The following ITPR3 variants were observed in gnomAD, a reference collection of about 807,000 sequenced individuals.
ITPR3 encodes inositol 1,4,5-trisphosphate-gated calcium channel ITPR3.
In ITPR3, 173 loss-of-function variants were observed where a neutral mutation model predicts 293.2. The ratio of observed to expected loss-of-function variants is 0.59; its 90% confidence interval spans 0.52 to 0.67. The LOEUF is 0.67. Among genes scored for constraint, ITPR3 ranks in the 30% least tolerant of loss-of-function variants. The probability of loss-of-function intolerance (pLI) is 0.00; values close to 1 mark genes in which losing one functional copy is unlikely to be tolerated. For missense variants in ITPR3, 2,796 were observed against 3,592.1 expected (o/e 0.78, Z 5.66); for synonymous variants, 1,295 against 1,444.4 (o/e 0.90, Z 2.35).
At position 33,675,542 on chromosome 6, in the gene ITPR3, A is replaced by C; in HGVS notation, c.3117-149A>C. 1.3e-6 allele frequency: 1 copy of C among 777,862 alleles called. No homozygotes were observed. The highest frequency in any genetic ancestry group is 1.9e-6 in the Non-Finnish European group (1 of 524,498). The allele number at this position is 777,862 out of a possible 1,614,324, so 48.2% of individuals were successfully genotyped here. A position where few individuals can be genotyped will look rare whatever the true frequency, so the allele number is the denominator to read the frequency against. On this transcript the variant is annotated intron_variant, in intron 24 of 57. Transcript: ENST00000605930. This position sits in a 1 kb window ranked among gnomAD's most constrained non-coding sequence, Gnocchi z 5.0. The stretch of plus-strand genomic sequence containing the variant: ...GGGAGTGGCTGTTAAACTGCTGAGA[A>C]AGTGTCAATATTTTAAACACATTTA...
rs761895786 is a variant in ITPR3, at chr6:33,662,650, C to T, written c.834C>T (p.Ser278=). The T allele has an allele frequency of 8.7e-6, 14 of 1,608,958 alleles. No individual in the cohort carries two copies. The African/African-American group carries it at 1.9e-4, about 21-fold the overall frequency. ...GCCAGTCTGCCACCTCGGCCACCAG[C>T]TCCAATGCTCTCTGGGAGGTGGAGG... is the stretch of plus-strand genomic sequence containing the variant. ...TLRQSATSAT[S]SNALWEVEVV... Residue 278 remains serine, a synonymous_variant, in exon 8 of 58, where the codon AGC becomes AGT. Coordinates refer to ENST00000605930, the MANE Select transcript of ITPR3 (RefSeq NM_002224.4).
In ITPR3 at chr6:33,655,002, T is replaced by A. The variant is rs373819777; in HGVS notation, c.161-764T>A. Reference sequence around the variant, plus strand: ...TTCCTGCAGCTTAGGCTTATGGGAATGACACTTGTTTTATCTACTTGCCAA... The same window carrying A: ...TTCCTGCAGCTTAGGCTTATGGGAAAGACACTTGTTTTATCTACTTGCCAA... On this transcript the variant is annotated intron_variant, in intron 2 of 57. Coordinates refer to ENST00000605930, the MANE Select transcript of ITPR3 (RefSeq NM_002224.4). The surrounding 1 kb of genome is among the most constrained non-coding windows in gnomAD (Gnocchi z 4.9). 1.3e-5 allele frequency among the ~76,000 whole-genome samples: 2 copies of A among 152,378 alleles called. No homozygotes were observed. Among genetic ancestry groups the A allele is most frequent in the East Asian group, 1.9e-4 (1 of 5,190 alleles).
chr6:33,694,873 C>G, intron 56 of ITPR3, 51 bp from the exon 57 acceptor site: 3 of 1,610,726 alleles, frequency 1.9e-6, no homozygotes, highest in South Asian at 1.1e-5. Context: ...CTAAATGAGG[C>G]CTTTCTAGGC....
chr6:33,693,836 T>C, intron 56 of ITPR3, 131 bp downstream of exon 56: 5 of 1,102,622 alleles, frequency 4.5e-6, no homozygotes, highest in Non-Finnish European at 5.2e-6. Context: ...CCTATCTGAC[T>C]GTTGGCCCTA....
chr6:33,669,666 A>G (rs904626759), intron 18 of ITPR3, among the ~76,000 whole-genome samples: 1 of 152,248 alleles, frequency 6.6e-6, no homozygotes, highest in Non-Finnish European at 1.5e-5. Context: ...CGTAGTGGGC[A>G]CTTTTTTAAG....
In ITPR3 at chr6:33,658,526, C is replaced by A; in HGVS notation, c.370-144C>A. The A allele has an allele frequency of 1.0e-6, 1 of 969,572 alleles. No homozygotes were observed. Among genetic ancestry groups the A allele is most frequent in the Non-Finnish European group, 1.6e-6 (1 of 637,782 alleles). The allele number at this position is 969,572 out of a possible 1,614,324, so 60.1% of individuals were successfully genotyped here. On this transcript the variant is annotated intron_variant, in intron 4 of 57. Coordinates refer to ENST00000605930, the MANE Select transcript of ITPR3 (RefSeq NM_002224.4). This position sits in a 1 kb window ranked among gnomAD's most constrained non-coding sequence, Gnocchi z 6.1. ...TGATTGTGGTTGTGAATGTGGGTGT[C>A]AGCCTGTATGTTTGTGACAGGTGTC...
chr6:33,674,837 C>T (rs1377177710), intron 24 of ITPR3, among the ~76,000 whole-genome samples: 2 of 152,192 alleles, frequency 1.3e-5, no homozygotes, highest in Non-Finnish European at 2.9e-5. Flanking sequence ...TTTACTAATA[C>T]GTAAAGTAGC....
Position 33,658,986 on chromosome 6 carries a change from C to T in ITPR3, c.529-35C>T. On this transcript the variant is annotated intron_variant, in intron 5 of 57. Coordinates refer to ENST00000605930, the MANE Select transcript of ITPR3 (RefSeq NM_002224.4). This position sits in a 1 kb window ranked among gnomAD's most constrained non-coding sequence, Gnocchi z 6.1. The stretch of plus-strand genomic sequence containing the variant: ...AGGCGTGGTGACAAGAGGGCCCTGC[C>T]CTTCCCACCTAACCTGTCCCACCTG... 6 of 1,608,594 alleles carry T rather than the reference C, an allele frequency of 3.7e-6. No homozygotes were observed. The African/African-American group carries it at 4.0e-5, about 11-fold the overall frequency.
rs1334894300 is a variant in ITPR3 at position 33,670,819 on chromosome 6, G to T, written c.2586+4G>T. ...GAAGAACAAGCTCACTTTTGAGGTG[G>T]CTGGGGGAGTGCCCAGGGGCTGGGG... On this transcript the variant is annotated splice_donor_region_variant and intron_variant, in intron 20 of 57. Transcript: ENST00000605930. The surrounding 1 kb of genome is among the most constrained non-coding windows in gnomAD (Gnocchi z 6.7). 8 of 1,612,938 alleles carry T rather than the reference G, an allele frequency of 5.0e-6. No homozygotes were observed. The highest frequency in any genetic ancestry group is 6.8e-6 in the Non-Finnish European group (8 of 1,179,974).
In ITPR3 at chr6:33,658,932, G is replaced by A. The variant is rs1209407468; in HGVS notation, c.529-89G>A. On this transcript the variant is annotated intron_variant, in intron 5 of 57. Coordinates refer to ENST00000605930, the MANE Select transcript of ITPR3 (RefSeq NM_002224.4). The surrounding 1 kb of genome is among the most constrained non-coding windows in gnomAD (Gnocchi z 6.1). ...ATAAGGGCATGCCCATTTCTTAGAAGGGCAGACTGAGACCAAAGGGAGGCC... is the reference window on the plus strand; with the variant it reads ...ATAAGGGCATGCCCATTTCTTAGAAAGGCAGACTGAGACCAAAGGGAGGCC... 1.3e-6 allele frequency: 2 copies of A among 1,599,278 alleles called. No homozygotes were observed. The highest frequency in any genetic ancestry group is 1.1e-5 in the South Asian group (1 of 90,164).
At position 33,621,566 on chromosome 6, in the gene ITPR3, G is replaced by A. The variant is rs1763436999; in HGVS notation, c.-37G>A. On this transcript the variant is annotated 5_prime_UTR_variant, in exon 1 of 58. Coordinates refer to ENST00000605930, the MANE Select transcript of ITPR3 (RefSeq NM_002224.4). The surrounding 1 kb of genome is among the most constrained non-coding windows in gnomAD (Gnocchi z 7.7). ...ACTGAGCTTGGCCACGCGCCCCTAG[G>A]CGCCCCCCACGCCCTGGGCCCCGGA... The A allele has an allele frequency of 1.3e-6, 2 of 1,517,922 alleles. No homozygotes were observed. Among genetic ancestry groups the A allele is most frequent in the East Asian group, 2.4e-5 (1 of 41,872 alleles). 94.0% of individuals were successfully genotyped at this position (1,517,922 alleles called of 1,614,324 possible).
In ITPR3 at chr6:33,682,690, C is replaced by A; in HGVS notation, c.4597+46C>A. The A allele has an allele frequency of 6.4e-7, 1 of 1,562,800 alleles. No individual in the cohort carries two copies. ...GCCAGCCCCAAACCACTCCTCCTGC[C>A]GCTCACAGTGGGGACGCCTGCCCTC... On this transcript the variant is annotated intron_variant, in intron 34 of 57. Coordinates refer to ENST00000605930, the MANE Select transcript of ITPR3 (RefSeq NM_002224.4). This position sits in a 1 kb window ranked among gnomAD's most constrained non-coding sequence, Gnocchi z 5.4.
In ITPR3 at chr6:33,689,519, C is replaced by T. The variant is rs1000024498; in HGVS notation, c.6867+109C>T. On this transcript the variant is annotated intron_variant, in intron 50 of 57. Transcript: ENST00000605930. ...GAGCCACTGCTCTGTCCCATCCCCT[C>T]CTCTCTGTTGGGCTCCCAAGTTCCT... 9.4e-6 allele frequency: 12 copies of T among 1,282,520 alleles called. No individual in the cohort carries two copies. The African/African-American group carries it at 1.2e-4, about 13-fold the overall frequency. 79.4% of individuals were successfully genotyped at this position (1,282,520 alleles called of 1,614,324 possible).
At chr6:33,680,712 C>G (rs201681042) in intron 33 of ITPR3, 32 bp downstream of exon 33, 8 of 1,590,508 alleles carry the variant, frequency 5.0e-6, no homozygotes, top group Non-Finnish European at 6.9e-6. Flanking sequence ...ACCCCAGGGC[C>G]GACTTGCCTA....
In ITPR3 at chr6:33,665,040, CCT is replaced by C; in HGVS notation, c.1249-12_1249-11del. ...CTTGTTCCCAGGTGCCCTGCTGACC[CCT>C]GTCTCTGCAGCTGGGCACCTGCCCC... On this transcript the variant is annotated splice_polypyrimidine_tract_variant and intron_variant, in intron 12 of 57. Coordinates refer to ENST00000605930, the MANE Select transcript of ITPR3 (RefSeq NM_002224.4). 1 of 1,613,706 alleles carries C rather than the reference CCT, an allele frequency of 6.2e-7. No homozygotes were observed. The highest frequency in any genetic ancestry group is 8.5e-7 in the Non-Finnish European group (1 of 1,180,010).
At chr6:33,623,143 C>G (rs912144703) in intron 1 of ITPR3, among the ~76,000 whole-genome samples, 4 of 152,028 alleles carry the variant, frequency 2.6e-5, no homozygotes, top group Non-Finnish European at 4.4e-5. Context: ...GAGTAAACAC[C>G]TCTGATAAAG....
intron 18 of ITPR3, 75 bp downstream of exon 18, chr6:33,669,231 G>C: frequency 6.8e-7 from 1 of 1,470,014 alleles, no homozygotes; most frequent in Non-Finnish European, 9.3e-7. Context: ...GTCAATCCCT[G>C]CTGAGGATGA....
intron 21 of ITPR3, 62 bp from the exon 22 acceptor site, chr6:33,671,967 G>C: frequency 6.9e-7 from 1 of 1,457,958 alleles, no homozygotes; most frequent in East Asian, 2.3e-5. Context: ...CATCAGACCA[G>C]GGACCCCTGT....
chr6:33,671,039 C>T, intron 20 of ITPR3, 126 bp from the exon 21 acceptor site: 1 of 1,486,286 alleles, frequency 6.7e-7, no homozygotes, highest in Non-Finnish European at 9.1e-7. Flanking sequence ...CGCTCTCCCT[C>T]CTGGGAACCC....
Sources: allele counts gnomAD v4.1 joint callset (sites outside exome capture counted in the v4.1 genomes callset), GRCh38; gene constraint gnomAD v4.1.1; non-coding constraint Gnocchi (gnomAD v3.1); transcripts MANE v1.5; gene names NCBI Gene and HGNC (gene_info 2026-07-23, HGNC 2026-07-21).